Variants in KCNAB1 observed in about 807,000 individuals in gnomAD.
The protein encoded by KCNAB1 is voltage-gated potassium channel subunit beta-1.
In KCNAB1, 35 loss-of-function variants were observed where a neutral mutation model predicts 64.6. The ratio of observed to expected loss-of-function variants is 0.54; its 90% CI spans 0.41 to 0.72. The LOEUF (loss-of-function observed/expected upper bound fraction) is 0.72, where lower values mean the gene tolerates loss of function less well. KCNAB1 is among the 30% of genes least tolerant of loss of function. The probability of loss-of-function intolerance (pLI) is 0.00; values close to 1 mark genes in which losing one functional copy is unlikely to be tolerated. For missense variants in KCNAB1, 401 were observed against 512.9 expected (o/e 0.78, Z 2.11); for synonymous variants, 177 against 183.8 (o/e 0.96, Z 0.30).
At chr3:156,338,302 A>ATTTTT (rs1723857966) in intron 1 of KCNAB1, among the ~76,000 whole-genome samples, 1 of 17,298 alleles carries the variant, frequency 5.8e-5, no homozygotes, top group African/African-American at 2.2e-4. Flanking sequence ...TGGCATTTGC[A>ATTTTT]CTTTTTTTTT....
chr3:156,159,623 G>A lies in KCNAB1; in HGVS notation c.275+38737G>A, dbSNP rs141133778. ...CCCCCTCCACATATATTCTTCATAC[G>A]CGAAGACTAAGTGCACAGTATTTTA... On this transcript the variant is annotated intron_variant, in intron 1 of 13. Coordinates refer to ENST00000490337, the MANE Select transcript of KCNAB1 (RefSeq NM_172160.3). Among the ~76,000 whole-genome samples, 683 of 152,110 alleles carry A rather than the reference G, an allele frequency of 4.5e-3. 6 individuals are homozygous for A. The highest frequency in any genetic ancestry group is 0.017 in the Middle Eastern group (5 of 294).
chr3:156,493,643 C>A (rs936930246), intron 8 of KCNAB1, among the ~76,000 whole-genome samples: 1 of 152,088 alleles, frequency 6.6e-6, no homozygotes, highest in Non-Finnish European at 1.5e-5. Flanking sequence ...CACTAATATC[C>A]TTTTCTGGCC....
intron 1 of KCNAB1, among the ~76,000 whole-genome samples, chr3:156,341,185 T>C (rs1301157399): frequency 6.6e-6 from 1 of 152,218 alleles, no homozygotes; most frequent in Admixed American, 6.5e-5. Context: ...GATGTATAGA[T>C]ATAGATATTA....
At chr3:156,260,783 A>G (rs1560163308) in intron 1 of KCNAB1, among the ~76,000 whole-genome samples, 1 of 152,210 alleles carries the variant, frequency 6.6e-6, no homozygotes, top group South Asian at 2.1e-4. Flanking sequence ...TACTTGGTTG[A>G]ATGATATACT....
chr3:156,446,882 A>G (rs894093550), intron 2 of KCNAB1: 10 of 152,242 alleles, frequency 6.6e-5, no homozygotes, highest in African/African-American at 2.4e-4. Flanking sequence ...CTTTTAAAAG[A>G]AAGTCAGATT....
intron 1 of KCNAB1, among the ~76,000 whole-genome samples, chr3:156,144,191 G>A (rs911265139): frequency 2.0e-5 from 3 of 152,148 alleles, no homozygotes; most frequent in Non-Finnish European, 2.9e-5. Context: ...AAGCTATTCA[G>A]AAGGACAAGG....
chr3:156,136,366 T>C (rs1380759843), intron 1 of KCNAB1, among the ~76,000 whole-genome samples: 2 of 152,328 alleles, frequency 1.3e-5, no homozygotes, highest in Middle Eastern at 3.4e-3. Context: ...ACTGGTGGGT[T>C]GTAGTGGCAA....
chr3:156,247,555 C>A (rs569279482), intron 1 of KCNAB1, among the ~76,000 whole-genome samples: 7 of 152,116 alleles, frequency 4.6e-5, no homozygotes, highest in African/African-American at 1.7e-4. Context: ...CAGACTGAAC[C>A]ACAGTATTTT....
intron 1 of KCNAB1, chr3:156,292,063 G>A (rs762025688): frequency 6.2e-7 from 1 of 1,614,132 alleles, no homozygotes; most frequent in Non-Finnish European, 8.5e-7. Context: ...GCCTGGGGAC[G>A]TTCACGCCTC....
At chr3:156,428,488 TACAC>T (rs4056995) in intron 2 of KCNAB1, among the ~76,000 whole-genome samples, 3,252 of 127,472 alleles carry the variant, frequency 0.026, 36 homozygotes, top group Middle Eastern at 0.034. Flanking sequence ...AATTCCTCTA[TACAC>T]ACACACACAC....
intron 1 of KCNAB1, among the ~76,000 whole-genome samples, chr3:156,379,262 G>A (rs1711969819): frequency 6.6e-6 from 1 of 152,142 alleles, no homozygotes; most frequent in Non-Finnish European, 1.5e-5. Flanking sequence ...CAGGTGCTGG[G>A]GACATAGCAA....
chr3:156,426,723 A>G (rs1376375147), intron 2 of KCNAB1, among the ~76,000 whole-genome samples: 1 of 152,190 alleles, frequency 6.6e-6, no homozygotes, highest in Non-Finnish European at 1.5e-5. Flanking sequence ...GTTGAATCAT[A>G]TAGTATGTAG....
intron 1 of KCNAB1, among the ~76,000 whole-genome samples, chr3:156,196,286 A>C (rs906323628): frequency 6.6e-6 from 1 of 152,198 alleles, no homozygotes; most frequent in African/African-American, 2.4e-5. Flanking sequence ...TGTCTTGGCT[A>C]TACAGGCTCT....
chr3:156,248,472 T>A (rs1236284271), intron 1 of KCNAB1, among the ~76,000 whole-genome samples: 5 of 10,000 alleles, frequency 5.0e-4, no homozygotes, highest in African/African-American at 8.6e-4. Flanking sequence ...TAATGAGATT[T>A]TTTTTTTTTT....
chr3:156,166,073 G>A (rs936794356), intron 1 of KCNAB1, among the ~76,000 whole-genome samples: 1 of 152,164 alleles, frequency 6.6e-6, no homozygotes, highest in Non-Finnish European at 1.5e-5. Flanking sequence ...GATGTTCAGC[G>A]AACATTTGTA....
chr3:156,298,903 A>G lies in KCNAB1; in HGVS notation c.276-122713A>G, dbSNP rs149623461. 3.0e-4 allele frequency among the ~76,000 whole-genome samples: 45 copies of G among 152,344 alleles called. 1 individual carries two copies. Among genetic ancestry groups the G allele is most frequent in the Non-Finnish European group, 5.3e-4 (36 of 68,036 alleles). ...TTAAGAATTAGAAATAGAGTGATTG[A>G]GTCTGGAATTCAAGGCAAAAGTCCT... is the stretch of plus-strand genomic sequence containing the variant. On this transcript the variant is annotated intron_variant, in intron 1 of 13. Transcript: ENST00000490337.
At chr3:156,145,836 C>T (rs1164049854) in intron 1 of KCNAB1, among the ~76,000 whole-genome samples, 8 of 151,962 alleles carry the variant, frequency 5.3e-5, no homozygotes, top group African/African-American at 1.9e-4. Context: ...GTCCATCAGT[C>T]TAAGTGGGGG....
intron 5 of KCNAB1, among the ~76,000 whole-genome samples, chr3:156,462,725 T>C (rs1426332346): frequency 6.6e-6 from 1 of 152,172 alleles, no homozygotes; most frequent in East Asian, 1.9e-4. Context: ...ATGATGGAAT[T>C]ATAAACGCCT....
intron 8 of KCNAB1, among the ~76,000 whole-genome samples, chr3:156,498,749 T>A (rs766853771): frequency 2.6e-5 from 4 of 152,248 alleles, no homozygotes; most frequent in Non-Finnish European, 5.9e-5. Context: ...ATATTGAAGT[T>A]GAGCAAAGTT....
Sources: allele counts gnomAD v4.1 joint callset (sites outside exome capture counted in the v4.1 genomes callset), GRCh38; gene constraint gnomAD v4.1.1; transcripts MANE v1.5; gene names NCBI Gene and HGNC (gene_info 2026-07-23, HGNC 2026-07-21).